The following NRG1 variants were observed in gnomAD, a reference collection of about 807,000 sequenced individuals.
NRG1 encodes the protein pro-neuregulin-1, membrane-bound isoform.
A neutral mutation model predicts 63.8 loss-of-function variants in NRG1; 18 were observed. The ratio of observed to expected loss-of-function variants is 0.28; its 90% CI spans 0.19 to 0.42. The LOEUF (loss-of-function observed/expected upper bound fraction) is 0.42. Among genes scored for constraint, NRG1 ranks in the 10% least tolerant of loss-of-function variants. NRG1 has a pLI of 1.00. For synonymous variants in NRG1, 302 were observed against 301.3 expected (o/e 1.00, Z -0.02); for missense variants, 762 against 814.7 (o/e 0.94, Z 0.79).
In NRG1 at chr8:32,773,501, A is replaced by G. The variant is rs144328234; in HGVS notation, c.942+13095A>G. ...TGGTTAGTGGAGCCACATTTCACCC[A>G]CTGATCAAGCCAGACCTGAGCAATA... On this transcript the variant is annotated intron_variant, in intron 7 of 7. Coordinates refer to the NRG1 transcript ENST00000651335. Among the ~76,000 whole-genome samples, 989 of 152,246 alleles carry G rather than the reference A, an allele frequency of 6.5e-3. 7 individuals carry two copies. Among genetic ancestry groups the G allele is most frequent in the South Asian group, 0.028 (133 of 4,822 alleles).
chr8:32,133,775 G>A (rs1355545353), intron 1 of NRG1, among the ~76,000 whole-genome samples: 1 of 152,078 alleles, frequency 6.6e-6, no homozygotes, highest in African/African-American at 2.4e-5. Flanking sequence ...GAGGCAGCAG[G>A]CTATTAAAAG....
chr8:31,660,009 T>C (rs531783541), intron 1 of NRG1, among the ~76,000 whole-genome samples: 2 of 152,104 alleles, frequency 1.3e-5, no homozygotes, highest in Non-Finnish European at 2.9e-5. Context: ...CTCAGAGGGG[T>C]TACGGAATTT....
At chr8:31,713,256 A>T (rs1201017947) in intron 1 of NRG1, among the ~76,000 whole-genome samples, 1 of 151,262 alleles carries the variant, frequency 6.6e-6, no homozygotes, top group Non-Finnish European at 1.5e-5. Context: ...AGCTGGGACT[A>T]CAGGCGCCCA....
chr8:31,910,506 C>T (rs1832852369), intron 1 of NRG1, among the ~76,000 whole-genome samples: 2 of 152,068 alleles, frequency 1.3e-5, no homozygotes, highest in Non-Finnish European at 2.9e-5. Flanking sequence ...AGTTAGAAGG[C>T]TACCAGAACA....
intron 1 of NRG1, among the ~76,000 whole-genome samples, chr8:31,838,227 A>G (rs750900541): frequency 4.6e-5 from 7 of 152,086 alleles, no homozygotes; most frequent in Non-Finnish European, 1.0e-4. Flanking sequence ...CAGTTATTTG[A>G]GATCCCACCT....
At chr8:31,872,568 A>G (rs1487589501) in intron 1 of NRG1, among the ~76,000 whole-genome samples, 2 of 152,174 alleles carry the variant, frequency 1.3e-5, no homozygotes, top group African/African-American at 4.8e-5. Context: ...TTGGGGAGAA[A>G]CAGACATATA....
At chr8:31,675,499 C>T (rs1807598344) in intron 1 of NRG1, among the ~76,000 whole-genome samples, 1 of 152,120 alleles carries the variant, frequency 6.6e-6, no homozygotes, top group Admixed American at 6.5e-5. Context: ...TGTTTGAATT[C>T]TCCTTTAGTT....
At chr8:32,723,008 A>G (rs1821027935) in intron 5 of NRG1, among the ~76,000 whole-genome samples, 1 of 152,200 alleles carries the variant, frequency 6.6e-6, no homozygotes. Context: ...TTGGTTATAT[A>G]TGTAACATTT....
intron 1 of NRG1, among the ~76,000 whole-genome samples, chr8:31,939,113 C>T (rs1801378735): frequency 6.6e-6 from 1 of 152,124 alleles, no homozygotes; most frequent in Non-Finnish European, 1.5e-5. Context: ...ACACAGTCAT[C>T]AGGTTATCTA....
At chr8:32,542,597 T>C (rs7826312) in intron 1 of NRG1, among the ~76,000 whole-genome samples, 84,966 of 151,928 alleles carry the variant, frequency 0.56, 24,407 homozygotes, top group Non-Finnish European at 0.59. Context: ...AGGCAGAGGA[T>C]ATAGCTAGTG....
At chr8:32,398,660 C>T (rs545686692) in intron 1 of NRG1, among the ~76,000 whole-genome samples, 1 of 152,246 alleles carries the variant, frequency 6.6e-6, no homozygotes, top group East Asian at 1.9e-4. Context: ...GTCCACCCAC[C>T]TCAGCCTTCC....
At chr8:32,460,048 C>T (rs1480072076) in intron 1 of NRG1, among the ~76,000 whole-genome samples, 1 of 152,184 alleles carries the variant, frequency 6.6e-6, no homozygotes, top group Non-Finnish European at 1.5e-5. Flanking sequence ...TGTCTGTTTC[C>T]TGCCACTCCT....
At chr8:32,182,911 T>C (rs972646024) in intron 1 of NRG1, among the ~76,000 whole-genome samples, 1 of 152,188 alleles carries the variant, frequency 6.6e-6, no homozygotes, top group African/African-American at 2.4e-5. Flanking sequence ...TCAAAACGTT[T>C]CATTTTTCCT....
chr8:32,119,034 A>G (rs1833100869), intron 1 of NRG1, among the ~76,000 whole-genome samples: 1 of 152,166 alleles, frequency 6.6e-6, no homozygotes, highest in Non-Finnish European at 1.5e-5. Flanking sequence ...TGCTCAATTT[A>G]TTGAGCTCAT....
At chr8:32,626,450 G>A (rs1430885886) in intron 5 of NRG1, among the ~76,000 whole-genome samples, 1 of 151,844 alleles carries the variant, frequency 6.6e-6, no homozygotes, top group African/African-American at 2.4e-5. Context: ...GGAGGCAGAG[G>A]CAGGTGGATC....
chr8:32,115,005 A>G (rs1418989862), intron 1 of NRG1, among the ~76,000 whole-genome samples: 1 of 152,004 alleles, frequency 6.6e-6, no homozygotes, highest in Non-Finnish European at 1.5e-5. Flanking sequence ...TGGGGTGACA[A>G]CCACCCTTAC....
chr8:32,386,555 G>A (rs1015992017), intron 1 of NRG1, among the ~76,000 whole-genome samples: 4 of 152,160 alleles, frequency 2.6e-5, no homozygotes, highest in African/African-American at 9.7e-5. Flanking sequence ...GTCAGGACCT[G>A]CTCTAGGAAA....
chr8:32,447,066 T>C (rs188281479), intron 1 of NRG1, among the ~76,000 whole-genome samples: 132 of 151,974 alleles, frequency 8.7e-4, no homozygotes, highest in African/African-American at 3.1e-3. Context: ...CGGGCTGGAG[T>C]GCAGTGGCGC....
At chr8:31,707,570 T>C (rs1811272520) in intron 1 of NRG1, among the ~76,000 whole-genome samples, 2 of 152,176 alleles carry the variant, frequency 1.3e-5, no homozygotes, top group Admixed American at 1.3e-4. Context: ...ATTTTCAAAT[T>C]AAATTGCTGT....
Sources: allele counts gnomAD v4.1 joint callset (sites outside exome capture counted in the v4.1 genomes callset), GRCh38; gene constraint gnomAD v4.1.1; transcripts MANE v1.5; gene names NCBI Gene and HGNC (gene_info 2026-07-23, HGNC 2026-07-21).